The following AGAP1 variants were observed in gnomAD, a reference collection of about 807,000 sequenced individuals.
AGAP1 encodes the protein arf-GAP with GTPase, ANK repeat and PH domain-containing protein 1.
In AGAP1, 29 loss-of-function variants were observed where a neutral mutation model predicts 105.3. The ratio of observed to expected loss-of-function variants is 0.28; its 90% CI spans 0.21 to 0.38. The LOEUF is 0.38. Ranked by LOEUF, AGAP1 falls within the 10% of genes least tolerant of loss-of-function variation. The probability of loss-of-function intolerance (pLI) is 1.00; values close to 1 mark genes in which losing one functional copy is unlikely to be tolerated. For synonymous variants in AGAP1, 509 were observed against 485.9 expected (o/e 1.05, Z -0.63); for missense variants, 998 against 1,165.1 (o/e 0.86, Z 2.09).
At chr2:235,564,350 C>T (rs1323409357) in intron 1 of AGAP1, among the ~76,000 whole-genome samples, 1 of 152,140 alleles carries the variant, frequency 6.6e-6, no homozygotes, top group Admixed American at 6.5e-5. Context: ...GAAATTGATT[C>T]CTTCTGCCGT....
rs953898719 is a variant in AGAP1 at position 235,609,298 on chromosome 2, T to C, written c.164-99881T>C. Among the ~76,000 whole-genome samples the C allele has an allele frequency of 1.3e-5, 2 of 151,830 alleles. No homozygotes were observed. The highest frequency in any genetic ancestry group is 1.5e-5 in the Non-Finnish European group (1 of 67,992). ...CACTGGTGCTTGGAAGAGAACACAA[T>C]GAAATTGAGTCCCTAGCAGGAGAAG... On this transcript the variant is annotated intron_variant, in intron 1 of 17. Coordinates refer to ENST00000304032, the MANE Select transcript of AGAP1 (RefSeq NM_001037131.3). The surrounding 1 kb of genome is among the most constrained non-coding windows in gnomAD (Gnocchi z 5.1).
rs1195241261 is a variant in AGAP1, at chr2:236,038,815, TTGTATGTGTG to T, written c.1801-1932_1801-1923del. 1.1e-3 allele frequency among the ~76,000 whole-genome samples: 139 copies of T among 128,638 alleles called. No homozygotes were observed. Among genetic ancestry groups the T allele is most frequent in the African/African-American group, 4.7e-3 (134 of 28,234 alleles). The allele number at this position is 128,638 out of a possible 152,430, so 84.4% of individuals were successfully genotyped here. ...CACAGAGAGACAGAGGCACATCCCT[TTGTATGTGTG>T]TGTGTGTGTGTGTGTGTGTGTGTGA... On this transcript the variant is annotated intron_variant, in intron 14 of 17. Coordinates refer to ENST00000304032, the MANE Select transcript of AGAP1 (RefSeq NM_001037131.3). The surrounding 1 kb of genome is among the most constrained non-coding windows in gnomAD (Gnocchi z 4.5).
intron 1 of AGAP1, among the ~76,000 whole-genome samples, chr2:235,686,785 C>G (rs2149424603): frequency 6.7e-6 from 1 of 149,836 alleles, no homozygotes; most frequent in East Asian, 2.0e-4. Flanking sequence ...ACCCAAGTAG[C>G]TGAGACTACA....
chr2:235,606,124 C>A (rs574392344), intron 1 of AGAP1, among the ~76,000 whole-genome samples: 2 of 152,176 alleles, frequency 1.3e-5, no homozygotes, highest in Non-Finnish European at 2.9e-5. Flanking sequence ...CAAGATCGGC[C>A]ATTTCCCCGG....
At chr2:235,920,689 A>G (rs1045679705) in intron 11 of AGAP1, among the ~76,000 whole-genome samples, 2 of 152,246 alleles carry the variant, frequency 1.3e-5, no homozygotes, top group Non-Finnish European at 2.9e-5. Context: ...GATGGCATGC[A>G]CAGTTCATAC....
rs1946840265 is a variant in AGAP1 at position 235,631,844 on chromosome 2, T to G, written c.164-77335T>G. On this transcript the variant is annotated intron_variant, in intron 1 of 17. Coordinates refer to ENST00000304032, the MANE Select transcript of AGAP1 (RefSeq NM_001037131.3). The surrounding 1 kb of genome is among the most constrained non-coding windows in gnomAD (Gnocchi z 5.4). Reference sequence around the variant, plus strand: ...TTCCTGCTGTCAGGTGTGGCCACTCTCGTGAGATGCAACTGGAGGTGTTTT... The same window carrying G: ...TTCCTGCTGTCAGGTGTGGCCACTCGCGTGAGATGCAACTGGAGGTGTTTT... 6.6e-6 allele frequency among the ~76,000 whole-genome samples: 1 copy of G among 152,210 alleles called. No individual in the cohort carries two copies. Among genetic ancestry groups the G allele is most frequent in the African/African-American group, 2.4e-5 (1 of 41,466 alleles).
At chr2:235,708,470 C>T (rs1048895715) in intron 1 of AGAP1, among the ~76,000 whole-genome samples, 1 of 152,078 alleles carries the variant, frequency 6.6e-6, no homozygotes, top group African/African-American at 2.4e-5. Context: ...TCAGGGGAGG[C>T]GGGGGAGAGT....
chr2:236,065,343 CT>C (rs2125773843), intron 16 of AGAP1, among the ~76,000 whole-genome samples: 1 of 152,334 alleles, frequency 6.6e-6, no homozygotes, highest in Non-Finnish European at 1.5e-5. Context: ...TTGTTGCTGC[CT>C]GCTTGTGACT....
In AGAP1 at chr2:236,105,821, TCTC is replaced by T. The variant is rs1239829081; in HGVS notation, c.2115-14368_2115-14366del. Among the ~76,000 whole-genome samples, 1 of 152,062 alleles carries T rather than the reference TCTC, an allele frequency of 6.6e-6. No homozygotes were observed. The highest frequency in any genetic ancestry group is 1.5e-5 in the Non-Finnish European group (1 of 68,020). On this transcript the variant is annotated intron_variant, in intron 16 of 17. Coordinates refer to ENST00000304032, the MANE Select transcript of AGAP1 (RefSeq NM_001037131.3). The surrounding 1 kb of genome is among the most constrained non-coding windows in gnomAD (Gnocchi z 4.2). ...ACCATGTTAGCCAGGGTGGTCTCGA[TCTC>T]CTGACCTCATGATCCACCCTCCTCG...
At chr2:235,968,805 A>G (rs1302589921) in intron 13 of AGAP1, among the ~76,000 whole-genome samples, 182 bp downstream of exon 13, 3 of 151,998 alleles carry the variant, frequency 2.0e-5, no homozygotes, top group Non-Finnish European at 4.4e-5. Flanking sequence ...TCACTGTCTG[A>G]TTCTCATATT....
In AGAP1 at chr2:235,750,377, AG is replaced by A. The variant is rs1326469082; in HGVS notation, c.565del (p.Val189SerfsTer14). On this transcript the variant is annotated frameshift_variant, in exon 6 of 18. Coordinates refer to ENST00000304032, the MANE Select transcript of AGAP1 (RefSeq NM_001037131.3). LOFTEE classifies it high-confidence loss of function. The surrounding 1 kb of genome is among the most constrained non-coding windows in gnomAD (Gnocchi z 5.3). ...TQDAISSANP[R>X]VIDDARARKL... The stretch of plus-strand genomic sequence containing the variant: ...AGATGCCATAAGTTCTGCTAACCCG[AG>A]GGTCATCGATGACGCCAGGGCGAGG... 6.2e-7 allele frequency: 1 copy of A among 1,614,152 alleles called. No individual in the cohort carries two copies. The highest frequency in any genetic ancestry group is 1.7e-5 in the Admixed American group (1 of 60,030).
chr2:235,702,716 C>A (rs1950314262), intron 1 of AGAP1, among the ~76,000 whole-genome samples: 1 of 152,092 alleles, frequency 6.6e-6, no homozygotes, highest in African/African-American at 2.4e-5. Context: ...ACATATTTGA[C>A]CATATTTGTG....
rs1330221348 is a variant in AGAP1 at position 236,100,030 on chromosome 2, A to G, written c.2115-20162A>G. Among the ~76,000 whole-genome samples the G allele has an allele frequency of 2.0e-5, 3 of 152,008 alleles. No homozygotes were observed. In the East Asian group the frequency reaches 5.8e-4, roughly 29 times the overall value. ...ACTCCAGCCTGAGCAATAGAGCAAG[A>G]CTCCATCTCAAAAAACAATAAAAAA... On this transcript the variant is annotated intron_variant, in intron 16 of 17. Transcript: ENST00000304032.
At chr2:235,776,996 A>G in intron 6 of AGAP1, 1 of 471,128 alleles carries the variant, frequency 2.1e-6, no homozygotes, top group Middle Eastern at 3.2e-4. Flanking sequence ...AGTTCCCAGC[A>G]CGTTTTATCA....
At position 235,691,513 on chromosome 2, in the gene AGAP1, G is replaced by C. The variant is rs113691180; in HGVS notation, c.164-17666G>C. Among the ~76,000 whole-genome samples the C allele has an allele frequency of 1.3e-5, 2 of 152,238 alleles. No individual in the cohort carries two copies. The highest frequency in any genetic ancestry group is 4.8e-5 in the African/African-American group (2 of 41,468). ...TTAGTCGGATTCTGTGACTGGTCGTGAGTCCCTCTTCCTCCACACAGCAAC... is the reference window on the plus strand; with the variant it reads ...TTAGTCGGATTCTGTGACTGGTCGTCAGTCCCTCTTCCTCCACACAGCAAC... On this transcript the variant is annotated intron_variant, in intron 1 of 17. Transcript: ENST00000304032. The surrounding 1 kb of genome is among the most constrained non-coding windows in gnomAD (Gnocchi z 4.4).
chr2:235,645,918 T>C (rs1206387807), intron 1 of AGAP1, among the ~76,000 whole-genome samples: 3 of 152,182 alleles, frequency 2.0e-5, no homozygotes, highest in Non-Finnish European at 2.9e-5. Flanking sequence ...TTTGCTCCAT[T>C]GCTACAATTT....
intron 1 of AGAP1, among the ~76,000 whole-genome samples, chr2:235,595,957 G>A (rs1945512684): frequency 6.6e-6 from 1 of 152,238 alleles, no homozygotes; most frequent in South Asian, 2.1e-4. Flanking sequence ...GAATGAAGCA[G>A]TAATGTATTA....
rs2054668024 is a variant in AGAP1 at position 235,971,977 on chromosome 2, CT to C, written c.1645+3355del. ...GTATTTTTGTAGAAATGGAGTTTCA[CT>C]CTTTTGCCCAGGCTGGTCTTGAACT... On this transcript the variant is annotated intron_variant, in intron 13 of 17. Coordinates refer to ENST00000304032, the MANE Select transcript of AGAP1 (RefSeq NM_001037131.3). This position sits in a 1 kb window ranked among gnomAD's most constrained non-coding sequence, Gnocchi z 4.8. Among the ~76,000 whole-genome samples the C allele has an allele frequency of 6.6e-6, 1 of 151,884 alleles. No individual in the cohort carries two copies. The highest frequency in any genetic ancestry group is 2.1e-4 in the South Asian group (1 of 4,822).
chr2:235,657,029 G>A (rs2149332917), intron 1 of AGAP1, among the ~76,000 whole-genome samples: 1 of 152,304 alleles, frequency 6.6e-6, no homozygotes, highest in Non-Finnish European at 1.5e-5. Context: ...CCAGAGTCTA[G>A]ATAAGCTGAC....
Sources: allele counts gnomAD v4.1 joint callset (sites outside exome capture counted in the v4.1 genomes callset), GRCh38; gene constraint gnomAD v4.1.1; non-coding constraint Gnocchi (gnomAD v3.1); transcripts MANE v1.5; gene names NCBI Gene and HGNC (gene_info 2026-07-23, HGNC 2026-07-21).